The following CRLS1 variants were observed in gnomAD, a reference collection of about 807,000 sequenced individuals.
CRLS1 encodes cardiolipin synthase (CMP-forming).
A neutral mutation model predicts 37.0 loss-of-function variants in CRLS1; 24 were observed. The observed-to-expected ratio is 0.65, with a 90% CI of 0.47 to 0.91. CRLS1 has a LOEUF of 0.91. CRLS1 is among the 40% of genes least tolerant of loss of function. CRLS1 has a pLI of 0.00. For missense variants in CRLS1, 373 were observed against 395.8 expected (o/e 0.94, Z 0.49); for synonymous variants, 135 against 159.7 (o/e 0.85, Z 1.17).
intron 3 of CRLS1, 122 bp downstream of exon 3, chr20:6,015,612 T>C (rs1455413925): frequency 2.1e-6 from 2 of 949,654 alleles, no homozygotes; most frequent in African/African-American, 3.3e-5. Context: ...CTTTAAACTG[T>C]TTCCCTAATT....
chr20:6,007,213 A>G (rs2090069481), intron 1 of CRLS1: 1 of 1,446,404 alleles, frequency 6.9e-7, no homozygotes, highest in Non-Finnish European at 9.1e-7. Context: ...TTACATCTTC[A>G]ATTGTTATGT....
intron 1 of CRLS1, among the ~76,000 whole-genome samples, chr20:6,008,068 G>A (rs1421405404): frequency 2.0e-5 from 3 of 147,726 alleles, no homozygotes; most frequent in Admixed American, 6.7e-5. Flanking sequence ...TATAAACACA[G>A]ACATAGTGTC....
At chr20:6,025,058 A>G (rs1979568906) in intron 3 of CRLS1, among the ~76,000 whole-genome samples, 2 of 152,232 alleles carry the variant, frequency 1.3e-5, no homozygotes, top group African/African-American at 4.8e-5. Flanking sequence ...GCAGCAAGTT[A>G]TACAGAAAAT....
chr20:6,015,344 A>C lies in CRLS1; in HGVS notation c.445-17A>C, dbSNP rs890793874. On this transcript the variant is annotated splice_polypyrimidine_tract_variant and intron_variant, in intron 2 of 6. Transcript: ENST00000378863. Reference sequence around the variant, plus strand: ...GTTATGACATTTATATATATAAAAAAAAACTTCTATTTTCAGTTGGATGGA... The same window carrying C: ...GTTATGACATTTATATATATAAAAACAAACTTCTATTTTCAGTTGGATGGA... The C allele has an allele frequency of 6.5e-7, 1 of 1,531,308 alleles. No individual in the cohort carries two copies. The highest frequency in any genetic ancestry group is 2.0e-5 in the Admixed American group (1 of 49,160). The allele number at this position is 1,531,308 out of a possible 1,614,324, so 94.9% of individuals were successfully genotyped here. A position where few individuals can be genotyped will look rare whatever the true frequency, so the allele number is the denominator to read the frequency against.
intron 6 of CRLS1, among the ~76,000 whole-genome samples, chr20:6,035,294 T>A: frequency 6.6e-6 from 1 of 152,280 alleles, no homozygotes; most frequent in African/African-American, 2.4e-5. Flanking sequence ...CCTTCTGATA[T>A]AGGATGAAGG....
rs1408437250 is a variant in CRLS1, at chr20:6,039,295, G to A, written c.*2137G>A. On this transcript the variant is annotated 3_prime_UTR_variant, in exon 7 of 7. Coordinates refer to ENST00000378863, the MANE Select transcript of CRLS1 (RefSeq NM_019095.6). Reference sequence around the variant, plus strand: ...TGTGTGTGTGTGTGTGTGTGTGTGTGTGTGTGTGTATTTTGTTTTTTTTAC... The same window carrying A: ...TGTGTGTGTGTGTGTGTGTGTGTGTATGTGTGTGTATTTTGTTTTTTTTAC... The A allele has an allele frequency of 2.3e-5, 2 of 88,278 alleles. No individual in the cohort carries two copies. Among genetic ancestry groups the A allele is most frequent in the South Asian group, 7.8e-4 (2 of 2,572 alleles). 5.5% of individuals were successfully genotyped at this position (88,278 alleles called of 1,614,324 possible).
chr20:6,013,056 A>C (rs1978456556), intron 2 of CRLS1, among the ~76,000 whole-genome samples: 1 of 152,130 alleles, frequency 6.6e-6, no homozygotes, highest in Non-Finnish European at 1.5e-5. Flanking sequence ...CCTTTGAAGC[A>C]GTTTTGCTTT....
At chr20:6,034,176 A>G (rs770934911) in intron 5 of CRLS1, among the ~76,000 whole-genome samples, 5 of 152,210 alleles carry the variant, frequency 3.3e-5, no homozygotes, top group Non-Finnish European at 7.3e-5. Flanking sequence ...ATTTTGTAAC[A>G]TTTTTGAGTT....
At chr20:6,008,071 A>G (rs558119747) in intron 1 of CRLS1, among the ~76,000 whole-genome samples, 124 of 147,930 alleles carry the variant, frequency 8.4e-4, no homozygotes, top group Non-Finnish European at 1.5e-3. Flanking sequence ...AAACACAGAC[A>G]TAGTGTCTTT....
intron 3 of CRLS1, among the ~76,000 whole-genome samples, chr20:6,024,421 A>C (rs1979515833): frequency 6.6e-6 from 1 of 152,164 alleles, no homozygotes; most frequent in Admixed American, 6.5e-5. Flanking sequence ...TTCTTCCAAA[A>C]TCCTGTTAAT....
intron 4 of CRLS1, 108 bp downstream of exon 4, chr20:6,031,478 C>A: frequency 1.4e-6 from 1 of 719,176 alleles, no homozygotes; most frequent in Non-Finnish European, 2.3e-6. Flanking sequence ...GCACGTGAAA[C>A]CCAGACTAGC....
chr20:6,016,710 T>C (rs1978783876), intron 3 of CRLS1, among the ~76,000 whole-genome samples: 2 of 152,246 alleles, frequency 1.3e-5, no homozygotes, highest in Non-Finnish European at 2.9e-5. Flanking sequence ...CTGTGAGTTT[T>C]ACTTATATGA....
At chr20:6,009,569 C>G (rs1011529141) in intron 1 of CRLS1, among the ~76,000 whole-genome samples, 1 of 152,140 alleles carries the variant, frequency 6.6e-6, no homozygotes, top group Non-Finnish European at 1.5e-5. Flanking sequence ...GCCCAGCCAT[C>G]TTCTGTATTC....
Position 6,024,405 on chromosome 20 carries a change from A to G in CRLS1, c.575-6880A>G, listed in dbSNP as rs146625412. On this transcript the variant is annotated intron_variant, in intron 3 of 6. Transcript: ENST00000378863. The stretch of plus-strand genomic sequence containing the variant: ...GTCAGAGTCATCCATGAGGGTTGGA[A>G]TCAACTTCTTCCAAAATCCTGTTAA... Among the ~76,000 whole-genome samples the G allele has an allele frequency of 5.9e-5, 9 of 152,320 alleles. No individual in the cohort carries two copies. The East Asian group carries it at 1.5e-3, about 26-fold the overall frequency.
rs1486034940 is a variant in CRLS1, at chr20:6,037,111, A to G, written c.859A>G (p.Ser287Gly). The change falls in exon 7 of 7, where the codon AGT becomes GGT. Residue 287 changes from serine to glycine, a missense_variant. Ser to Gly is a moderately conservative substitution (Grantham distance 56). Transcript: ENST00000378863. ...TTTCACCACAGCTGCATCAGCTTAT[A>G]GTTACTATCATTATGGCCGGAAGAC... ...TAFTTAASAY[S>G]YYHYGRKTVQ... 3 of 1,613,778 alleles carry G rather than the reference A, an allele frequency of 1.9e-6. No homozygotes were observed. In the Admixed American group the frequency reaches 5.0e-5, roughly 27 times the overall value.
chr20:6,031,427 C>T (rs1980161083), intron 4 of CRLS1, 57 bp downstream of exon 4: 5 of 1,325,304 alleles, frequency 3.8e-6, no homozygotes, highest in Non-Finnish European at 5.3e-6. Context: ...AAGGAAAAAG[C>T]AAAAAGACAT....
rs1271330605 is a variant in CRLS1, at chr20:6,039,257, TTGTTTG to T, written c.*2103_*2108del. On this transcript the variant is annotated 3_prime_UTR_variant, in exon 7 of 7. Coordinates refer to ENST00000378863, the MANE Select transcript of CRLS1 (RefSeq NM_019095.6). ...TGCACACCAACTGTGCTTTGCAGTT[TTGTTTG>T]TGTGTGTGTGTGTGTGTGTGTGTGT... 45 of 128,772 alleles carry T rather than the reference TTGTTTG, an allele frequency of 3.5e-4. No individual in the cohort carries two copies. Among genetic ancestry groups the T allele is most frequent in the African/African-American group, 1.2e-3 (38 of 31,256 alleles). 8.0% of individuals were successfully genotyped at this position (128,772 alleles called of 1,614,324 possible). A position where few individuals can be genotyped will look rare whatever the true frequency, so the allele number is the denominator to read the frequency against.
upstream of CRLS1, chr20:6,005,965 G>T (rs1427385005): frequency 3.5e-6 from 1 of 288,060 alleles, no homozygotes; most frequent in Non-Finnish European, 6.4e-6. Context: ...CGTACCCGCT[G>T]CTTCCCAAAA....
intron 4 of CRLS1, 55 bp downstream of exon 4, chr20:6,031,425 A>G: frequency 5.2e-6 from 7 of 1,352,210 alleles, no homozygotes; most frequent in Non-Finnish European, 5.2e-6. Context: ...TTAAGGAAAA[A>G]GCAAAAAGAC....
Sources: allele counts gnomAD v4.1 joint callset (sites outside exome capture counted in the v4.1 genomes callset), GRCh38; gene constraint gnomAD v4.1.1; transcripts MANE v1.5; gene names NCBI Gene and HGNC (gene_info 2026-07-23, HGNC 2026-07-21).